The following PPP6R1 variants were observed in gnomAD, a reference collection of about 807,000 sequenced individuals.
PPP6R1 encodes protein phosphatase 6 regulatory subunit 1, also known as serine/threonine-protein phosphatase 6 regulatory subunit 1.
PPP6R1 carries 39 observed loss-of-function variants against 104.6 expected under a neutral mutation model. The ratio of observed to expected loss-of-function variants is 0.37; its 90% CI spans 0.29 to 0.49. The LOEUF is 0.49. Ranked by LOEUF, PPP6R1 falls within the 20% of genes least tolerant of loss-of-function variation. The pLI, the probability that PPP6R1 is intolerant of heterozygous loss-of-function variation, is 0.98. For synonymous variants in PPP6R1, 549 were observed against 479.0 expected, an observed-to-expected ratio of 1.15 and a Z score of -1.91; for missense variants, 1,181 against 1,155.8, an observed-to-expected ratio of 1.02 and a Z score of -0.32.
Position 55,241,727 on chromosome 19 carries a change from T to A in PPP6R1, c.846-88A>T, listed in dbSNP as rs575870598. On this transcript the variant is annotated intron_variant, in intron 7 of 23. Transcript: ENST00000412770. This position sits in a 1 kb window ranked among gnomAD's most constrained non-coding sequence, Gnocchi z 5.4. ...AGGCACAAGGACCACGTCTGCAGGG[T>A]CTGGAGGAAAACGAGGAGCCACATG... 7.1e-7 allele frequency: 1 copy of A among 1,412,990 alleles called. No homozygotes were observed. Among genetic ancestry groups the A allele is most frequent in the East Asian group, 2.5e-5 (1 of 39,346 alleles). 87.5% of individuals were successfully genotyped at this position (1,412,990 alleles called of 1,614,324 possible). A position where few individuals can be genotyped will look rare whatever the true frequency, so the allele number is the denominator to read the frequency against.
chr19:55,251,555 G>A (rs963895174), intron 1 of PPP6R1, among the ~76,000 whole-genome samples: 2 of 152,160 alleles, frequency 1.3e-5, no homozygotes, highest in South Asian at 2.1e-4. Context: ...CAAGAGTGAC[G>A]AAGGCACCAC....
At chr19:55,234,380 C>T (rs1181727574) in intron 17 of PPP6R1, among the ~76,000 whole-genome samples, 1 of 152,178 alleles carries the variant, frequency 6.6e-6, no homozygotes, top group Non-Finnish European at 1.5e-5. Context: ...TCAAATATTT[C>T]CTTTTTACAC....
chr19:55,256,092 T>C (rs1358699259), intron 1 of PPP6R1, among the ~76,000 whole-genome samples: 1 of 151,788 alleles, frequency 6.6e-6, no homozygotes. Flanking sequence ...AGAAAAAAAA[T>C]GGGCAGGGGG....
intron 2 of PPP6R1, among the ~76,000 whole-genome samples, chr19:55,246,491 G>A (rs1012642493): frequency 3.3e-5 from 5 of 151,504 alleles, no homozygotes; most frequent in African/African-American, 9.7e-5. Flanking sequence ...TAGCAGACAA[G>A]TGTTTCACAA....
rs531068978 is a variant in PPP6R1, at chr19:55,239,800, G to A, written c.1563+26C>T. 1.8e-5 allele frequency: 29 copies of A among 1,609,972 alleles called. 1 individual carries two copies. The South Asian group carries it at 3.2e-4, about 18-fold the overall frequency. On this transcript the variant is annotated intron_variant, in intron 13 of 23. Coordinates refer to ENST00000412770, the MANE Select transcript of PPP6R1 (RefSeq NM_014931.4). ...CCAAGAGAGAGAAGCAGCAGGAGGA[G>A]TGCAGGAAGAGAAGCTGGGCCTCAC...
At position 55,242,439 on chromosome 19, in the gene PPP6R1, C is replaced by T. The variant is rs368485381; in HGVS notation, c.668G>A (p.Arg223Gln). 6.3e-5 allele frequency: 101 copies of T among 1,613,992 alleles called. No individual in the cohort carries two copies. Among genetic ancestry groups the T allele is most frequent in the African/African-American group, 5.1e-4 (38 of 75,060 alleles). ...GTCCTGGACTTGGATCATCTGCTCC[C>T]GGCTCAGGCGGATGATGTCACACAG... Reference protein sequence around the residue: ...QSLCDIIRLSREQMIQVQDSP... With the variant: ...QSLCDIIRLSQEQMIQVQDSP... Residue 223 changes from arginine to glutamine, a missense_variant, in exon 6 of 24, where the codon CGG becomes CAG. Coordinates refer to ENST00000412770, the MANE Select transcript of PPP6R1 (RefSeq NM_014931.4).
Position 55,242,015 on chromosome 19 carries a change from G to A in PPP6R1, c.845+151C>T, listed in dbSNP as rs562539135. ...ACAAGAAGATTCCTCCCTCGGCCCCGTACTGTCCACTGTGCAGGGAGCACA... is the reference window on the plus strand; with the variant it reads ...ACAAGAAGATTCCTCCCTCGGCCCCATACTGTCCACTGTGCAGGGAGCACA... On this transcript the variant is annotated intron_variant, in intron 7 of 23. Transcript: ENST00000412770. The A allele has an allele frequency of 2.9e-4, 212 of 722,104 alleles. 3 individuals are homozygous for A. The highest frequency in any genetic ancestry group is 2.3e-3 in the East Asian group (89 of 38,200). The allele number at this position is 722,104 out of a possible 1,614,324, so 44.7% of individuals were successfully genotyped here.
At chr19:55,249,885 A>C (rs1287790695) in intron 1 of PPP6R1, among the ~76,000 whole-genome samples, 1 of 150,976 alleles carries the variant, frequency 6.6e-6, no homozygotes, top group African/African-American at 2.4e-5. Context: ...GAGTACCCGC[A>C]CCTGCTCGGT....
At position 55,230,693 on chromosome 19, in the gene PPP6R1, GGA is replaced by G. The variant is rs1351868314; in HGVS notation, c.2571-11_2571-10del. 4 of 1,576,624 alleles carry G rather than the reference GGA, an allele frequency of 2.5e-6. No individual in the cohort carries two copies. The highest frequency in any genetic ancestry group is 3.4e-6 in the Non-Finnish European group (4 of 1,162,796). ...GCGTGAGGGCCTGGGCACTGTCAGG[GGA>G]GAGAGGGGATGTGCAGAGGTCACTT... On this transcript the variant is annotated splice_polypyrimidine_tract_variant and intron_variant, in intron 22 of 23. Coordinates refer to ENST00000412770, the MANE Select transcript of PPP6R1 (RefSeq NM_014931.4).
At chr19:55,233,330 C>T (rs1396659765) in intron 17 of PPP6R1, 1 of 152,164 alleles carries the variant, frequency 6.6e-6, no homozygotes, top group African/African-American at 2.4e-5. Context: ...ATCTACAAAA[C>T]CCCACAACTA....
Position 55,242,061 on chromosome 19 carries a change from C to G in PPP6R1, c.845+105G>C, listed in dbSNP as rs141881539. ...GCACAGGCAGCCACAGAGCAAGGTG[C>G]CACGGGCGGGGATTTCTCTTGGTGG... On this transcript the variant is annotated intron_variant, in intron 7 of 23. Coordinates refer to ENST00000412770, the MANE Select transcript of PPP6R1 (RefSeq NM_014931.4). The G allele has an allele frequency of 3.5e-4, 382 of 1,077,806 alleles. No individual in the cohort carries two copies. The African/African-American group carries it at 5.2e-3, about 15-fold the overall frequency. The allele number at this position is 1,077,806 out of a possible 1,614,324, so 66.8% of individuals were successfully genotyped here.
intron 1 of PPP6R1, among the ~76,000 whole-genome samples, chr19:55,249,532 T>C (rs546798354): frequency 2.6e-5 from 4 of 152,096 alleles, no homozygotes; most frequent in Admixed American, 1.3e-4. Flanking sequence ...TGAGCCACCA[T>C]GCCCAGACTC....
intron 17 of PPP6R1, among the ~76,000 whole-genome samples, chr19:55,234,467 A>C (rs951820517): frequency 6.6e-6 from 1 of 152,226 alleles, no homozygotes; most frequent in Non-Finnish European, 1.5e-5. Context: ...ATCTATATGT[A>C]AAGGGATGAA....
chr19:55,245,143 T>A lies in PPP6R1; in HGVS notation c.595A>T (p.Ile199Phe), dbSNP rs2087495492. Residue 199 changes from isoleucine to phenylalanine, a missense_variant, in exon 5 of 24, where the codon ATC becomes TTC. Transcript: ENST00000412770. This position sits in a 1 kb window ranked among gnomAD's most constrained non-coding sequence, Gnocchi z 6.4. ...ACATTCTCATCCTTCGACGGGTGGA[T>A]CTGCTCAATCAGCCGCTGGACGATC... ...EKIVQRLIEQ[I>F]HPSKDENQHS... 1 of 1,613,508 alleles carries A rather than the reference T, an allele frequency of 6.2e-7. No individual in the cohort carries two copies. The highest frequency in any genetic ancestry group is 1.7e-5 in the Admixed American group (1 of 59,966).
chr19:55,257,182 T>C (rs1269545702), intron 1 of PPP6R1, among the ~76,000 whole-genome samples: 9 of 151,898 alleles, frequency 5.9e-5, no homozygotes, highest in Admixed American at 6.6e-5. Flanking sequence ...CGTGTCTCCA[T>C]GTGTGTTGTG....
intron 17 of PPP6R1, 41 bp from the exon 18 acceptor site, chr19:55,232,252 G>C (rs746522765): frequency 1.3e-6 from 2 of 1,504,570 alleles, no homozygotes. Flanking sequence ...GTGTGGGACA[G>C]ACCGGCCGAC....
chr19:55,255,955 T>C (rs1235133392), intron 1 of PPP6R1, among the ~76,000 whole-genome samples: 1 of 152,202 alleles, frequency 6.6e-6, no homozygotes, highest in African/African-American at 2.4e-5. Flanking sequence ...TGCCTCCCCC[T>C]GAAACATGCC....
At position 55,230,432 on chromosome 19, in the gene PPP6R1, G is replaced by T. The variant is rs2087329342; in HGVS notation, c.*96C>A. 2.1e-5 allele frequency: 32 copies of T among 1,550,354 alleles called. No individual in the cohort carries two copies. The highest frequency in any genetic ancestry group is 2.7e-5 in the Non-Finnish European group (31 of 1,133,314). On this transcript the variant is annotated 3_prime_UTR_variant, in exon 24 of 24. Transcript: ENST00000412770. Reference sequence around the variant, plus strand: ...GAGAATGTGGGGGTGTCAGGGTGATGAGGGCAATGGGGGCCATCGTGGGAC... The same window carrying T: ...GAGAATGTGGGGGTGTCAGGGTGATTAGGGCAATGGGGGCCATCGTGGGAC...
Position 55,241,085 on chromosome 19 carries a change from G to A in PPP6R1, c.1162-6C>T. The A allele has an allele frequency of 6.5e-7, 1 of 1,549,786 alleles. No homozygotes were observed. The highest frequency in any genetic ancestry group is 1.4e-5 in the African/African-American group (1 of 73,090). ...ACATAATGGAAGAAGAGGTCCTATG[G>A]GAGGACACAGGATTGGTACCAGAGA... On this transcript the variant is annotated splice_region_variant and splice_polypyrimidine_tract_variant and intron_variant, in intron 9 of 23. Coordinates refer to ENST00000412770, the MANE Select transcript of PPP6R1 (RefSeq NM_014931.4). The surrounding 1 kb of genome is among the most constrained non-coding windows in gnomAD (Gnocchi z 5.4).
Sources: gnomAD v4.1 joint callset for allele counts (sites outside exome capture counted in the v4.1 genomes callset) on GRCh38, gnomAD v4.1.1 for gene constraint, Gnocchi (gnomAD v3.1) non-coding constraint, MANE v1.5 for transcripts, NCBI Gene and HGNC (gene_info 2026-07-23, HGNC 2026-07-21) for gene names.